MINDY4: variants seen among roughly 807,000 people sequenced by gnomAD.
MINDY4 encodes MINDY lysine 48 deubiquitinase 4, also known as probable ubiquitin carboxyl-terminal hydrolase MINDY-4.
A neutral mutation model predicts 87.0 loss-of-function variants in MINDY4; 68 were observed. The observed-to-expected ratio is 0.78, with a 90% CI of 0.64 to 0.96. The LOEUF is 0.96. Ranked by LOEUF, MINDY4 falls within the 40% of genes least tolerant of loss-of-function variation. The pLI, the probability that MINDY4 is intolerant of heterozygous loss-of-function variation, is 0.00. For missense variants in MINDY4, 919 were observed against 928.2 expected (o/e 0.99, Z 0.13); for synonymous variants, 379 against 363.2 (o/e 1.04, Z -0.50).
At chr7:30,842,630 G>A (rs2128567970) in intron 9 of MINDY4, among the ~76,000 whole-genome samples, 1 of 152,304 alleles carries the variant, frequency 6.6e-6, no homozygotes, top group Middle Eastern at 3.4e-3. Context: ...TTGAACAGGA[G>A]AGCCAGACAG....
At chr7:30,856,879 GC>G in intron 12 of MINDY4, among the ~76,000 whole-genome samples, 1 of 152,028 alleles carries the variant, frequency 6.6e-6, no homozygotes, top group Non-Finnish European at 1.5e-5. Flanking sequence ...GGAGACATCA[GC>G]ATTACTCTTT....
intron 6 of MINDY4, among the ~76,000 whole-genome samples, chr7:30,835,903 T>G (rs1270646409): frequency 2.6e-5 from 4 of 152,316 alleles, no homozygotes; most frequent in Admixed American, 6.5e-5. Flanking sequence ...GCTGGGACCC[T>G]CTCTAGGCCT....
chr7:30,812,429 A>G (rs921455324), intron 5 of MINDY4, among the ~76,000 whole-genome samples: 1 of 152,212 alleles, frequency 6.6e-6, no homozygotes, highest in African/African-American at 2.4e-5. Flanking sequence ...AAAGAGAATT[A>G]AAAAACACAT....
rs182935085 is a variant in MINDY4, at chr7:30,772,411, G to A, written c.63+855G>A. Among the ~76,000 whole-genome samples, 143 of 152,312 alleles carry A rather than the reference G, an allele frequency of 9.4e-4. 1 individual carries two copies. The Middle Eastern group carries it at 0.017, about 18-fold the overall frequency. ...CAATTCAAATATTTGCTACTAGTTTGCAGTGTGAACCTCAGTACTTTACTC... is the reference window on the plus strand; with the variant it reads ...CAATTCAAATATTTGCTACTAGTTTACAGTGTGAACCTCAGTACTTTACTC... On this transcript the variant is annotated intron_variant, in intron 1 of 17. Coordinates refer to ENST00000265299, the MANE Select transcript of MINDY4 (RefSeq NM_032222.3).
chr7:30,811,034 A>G (rs905990227), intron 5 of MINDY4, among the ~76,000 whole-genome samples: 10 of 152,254 alleles, frequency 6.6e-5, no homozygotes, highest in Admixed American at 3.3e-4. Context: ...TAGAATTTCC[A>G]GTAAACCAGC....
intron 14 of MINDY4, among the ~76,000 whole-genome samples, chr7:30,875,009 C>T (rs762092373): frequency 2.0e-5 from 3 of 152,228 alleles, no homozygotes; most frequent in Non-Finnish European, 4.4e-5. Context: ...TTAAGACTCA[C>T]CCAAATGTCA....
chr7:30,816,520 G>A (rs577415586), intron 5 of MINDY4, among the ~76,000 whole-genome samples: 6 of 152,314 alleles, frequency 3.9e-5, no homozygotes, highest in Admixed American at 1.3e-4. Flanking sequence ...TTAGGAGGCT[G>A]GAGTACAGCA....
chr7:30,867,170 T>C (rs1360385881), intron 13 of MINDY4, among the ~76,000 whole-genome samples: 2 of 152,178 alleles, frequency 1.3e-5, no homozygotes, highest in Non-Finnish European at 2.9e-5. Flanking sequence ...CTGACACCCA[T>C]TGGTTCTGAC....
At position 30,882,172 on chromosome 7, in the gene MINDY4, C is replaced by T. The variant is rs751940757; in HGVS notation, c.1972-9C>T. 3.1e-6 allele frequency: 5 copies of T among 1,600,866 alleles called. No individual in the cohort carries two copies. In the South Asian group the frequency reaches 5.6e-5, roughly 18 times the overall value. ...ACGGCATTTCACATCAGGCCTCTCC[C>T]TCATCCAGGTTGGCTGCTTCCTGAA... is the stretch of plus-strand genomic sequence containing the variant. On this transcript the variant is annotated splice_polypyrimidine_tract_variant and intron_variant, in intron 15 of 17. Coordinates refer to ENST00000265299, the MANE Select transcript of MINDY4 (RefSeq NM_032222.3).
chr7:30,799,628 C>A (rs1018091295), intron 5 of MINDY4, among the ~76,000 whole-genome samples: 4 of 152,216 alleles, frequency 2.6e-5, no homozygotes, highest in Non-Finnish European at 5.9e-5. Context: ...GCATCTGCAT[C>A]ATCTGGGAAC....
intron 5 of MINDY4, among the ~76,000 whole-genome samples, chr7:30,802,852 A>T (rs1189457609): frequency 6.6e-6 from 1 of 151,770 alleles, no homozygotes; most frequent in East Asian, 1.9e-4. Context: ...CGACCAACCA[A>T]ACCAACCAAC....
chr7:30,859,162 A>G (rs1331065336), intron 12 of MINDY4, 95 bp from the exon 13 acceptor site: 1 of 1,261,704 alleles, frequency 7.9e-7, no homozygotes, highest in Admixed American at 1.7e-5. Context: ...GGCTCAGGGC[A>G]GGCTGCTCCC....
intron 14 of MINDY4, among the ~76,000 whole-genome samples, chr7:30,875,090 C>T (rs1300835625): frequency 2.0e-5 from 3 of 152,216 alleles, no homozygotes; most frequent in Non-Finnish European, 4.4e-5. Context: ...ACTCCATGCA[C>T]ACATTTTTAC....
At chr7:30,881,295 G>A (rs1051735894) in intron 15 of MINDY4, among the ~76,000 whole-genome samples, 4 of 152,160 alleles carry the variant, frequency 2.6e-5, no homozygotes, top group African/African-American at 9.7e-5. Flanking sequence ...TGCTAGCAAC[G>A]TGCTGAGGGC....
At chr7:30,883,431 AC>A (rs1162109958) in intron 17 of MINDY4, among the ~76,000 whole-genome samples, 2 of 151,976 alleles carry the variant, frequency 1.3e-5, no homozygotes, top group Non-Finnish European at 2.9e-5. Context: ...CTGGAGCGAC[AC>A]CCTCTGCTTG....
chr7:30,796,881 C>T (rs1787505050), intron 5 of MINDY4: 1 of 142,188 alleles, frequency 7.0e-6, no homozygotes, highest in Non-Finnish European at 1.5e-5. Flanking sequence ...ACTCTGAATT[C>T]CTGGAGTCAT....
chr7:30,861,004 G>C (rs892037460), intron 13 of MINDY4, among the ~76,000 whole-genome samples: 2 of 151,940 alleles, frequency 1.3e-5, no homozygotes, highest in Non-Finnish European at 2.9e-5. Flanking sequence ...CACACACAGA[G>C]ACACACACAC....
intron 5 of MINDY4, among the ~76,000 whole-genome samples, chr7:30,797,726 A>T (rs544001270): frequency 9.9e-5 from 15 of 152,210 alleles, no homozygotes; most frequent in African/African-American, 3.1e-4. Flanking sequence ...CTTGTGTTTT[A>T]ATAGGGTCCC....
At chr7:30,839,604 G>A (rs2096314542) in intron 8 of MINDY4, among the ~76,000 whole-genome samples, 1 of 152,188 alleles carries the variant, frequency 6.6e-6, no homozygotes, top group South Asian at 2.1e-4. Flanking sequence ...AGGAGAGAGA[G>A]CAGTAGGAGG....
Sources: allele counts gnomAD v4.1 joint callset (sites outside exome capture counted in the v4.1 genomes callset), GRCh38; gene constraint gnomAD v4.1.1; transcripts MANE v1.5; gene names NCBI Gene and HGNC (gene_info 2026-07-23, HGNC 2026-07-21).